Variants in TENM4 observed in about 807,000 individuals in gnomAD.
TENM4 encodes teneurin transmembrane protein 4.
Under a neutral mutation model 243.3 loss-of-function variants are expected in TENM4, and 82 were observed. That is an observed-to-expected ratio of 0.34 (90% CI 0.28 to 0.40). TENM4 has a LOEUF of 0.40. TENM4 is among the 10% of genes least tolerant of loss of function. TENM4 has a pLI of 1.00. For missense variants in TENM4, 3,138 were observed against 3,673.3 expected (o/e 0.85, Z 3.77); for synonymous variants, 1,412 against 1,456.3 (o/e 0.97, Z 0.69).
intron 6 of TENM4, among the ~76,000 whole-genome samples, chr11:78,948,591 T>G (rs949317859): frequency 3.9e-5 from 6 of 152,216 alleles, no homozygotes; most frequent in Non-Finnish European, 5.9e-5. Context: ...CAGGATGGTC[T>G]CGATCTCCTG....
intron 2 of TENM4, among the ~76,000 whole-genome samples, chr11:79,222,329 T>C (rs1379514327): frequency 5.3e-5 from 8 of 152,202 alleles, no homozygotes; most frequent in Admixed American, 4.6e-4. Flanking sequence ...GAAAAGGACA[T>C]TATCTCGTTC....
At chr11:79,000,985 T>A (rs2136702228) in intron 6 of TENM4, among the ~76,000 whole-genome samples, 2 of 152,258 alleles carry the variant, frequency 1.3e-5, no homozygotes, top group South Asian at 4.1e-4. Context: ...GAGCTGAGAT[T>A]GCACCACTGC....
At chr11:79,303,347 T>G (rs1315105212) in intron 1 of TENM4, among the ~76,000 whole-genome samples, 1 of 152,208 alleles carries the variant, frequency 6.6e-6, no homozygotes, top group East Asian at 1.9e-4. Context: ...CCTAAGCCTC[T>G]GTGTTTTCAT....
intron 1 of TENM4, among the ~76,000 whole-genome samples, chr11:79,306,280 G>T (rs1319760456): frequency 1.3e-5 from 2 of 152,206 alleles, no homozygotes; most frequent in Non-Finnish European, 2.9e-5. Flanking sequence ...GCTCAAGAGA[G>T]GGCTGAGTGA....
intron 6 of TENM4, among the ~76,000 whole-genome samples, chr11:78,985,257 A>T (rs1180652311): frequency 1.3e-5 from 2 of 148,952 alleles, no homozygotes; most frequent in Non-Finnish European, 1.5e-5. Flanking sequence ...TGCCATACAG[A>T]TTTTTTTTTT....
At chr11:78,826,956 T>C (rs1857866777) in intron 12 of TENM4, among the ~76,000 whole-genome samples, 1 of 152,182 alleles carries the variant, frequency 6.6e-6, no homozygotes, top group African/African-American at 2.4e-5. Flanking sequence ...GGCATCCGAG[T>C]ATACCACCCA....
intron 28 of TENM4, among the ~76,000 whole-genome samples, chr11:78,697,155 A>C (rs1858989485): frequency 6.6e-6 from 1 of 152,202 alleles, no homozygotes; most frequent in African/African-American, 2.4e-5. Flanking sequence ...GTCCCTAAGA[A>C]GACATGGACC....
At chr11:79,157,286 A>G (rs927948578) in intron 3 of TENM4, among the ~76,000 whole-genome samples, 2 of 152,138 alleles carry the variant, frequency 1.3e-5, no homozygotes, top group African/African-American at 2.4e-5. Context: ...GATCCAATAC[A>G]TCTTTGTGAA....
chr11:78,824,643 A>C (rs1227055260), intron 12 of TENM4, among the ~76,000 whole-genome samples: 1 of 151,932 alleles, frequency 6.6e-6, no homozygotes, highest in Non-Finnish European at 1.5e-5. Context: ...CTGGGACTAC[A>C]GGCGCACACC....
At chr11:78,699,485 T>C (rs538823765) in intron 28 of TENM4, among the ~76,000 whole-genome samples, 19 of 152,304 alleles carry the variant, frequency 1.2e-4, no homozygotes, top group African/African-American at 4.6e-4. Flanking sequence ...GCCTGGCACA[T>C]AGTAGGATCT....
At chr11:79,195,993 A>G (rs369937636) in intron 3 of TENM4, among the ~76,000 whole-genome samples, 1 of 152,052 alleles carries the variant, frequency 6.6e-6, no homozygotes, top group Non-Finnish European at 1.5e-5. Flanking sequence ...TGTTATTCTC[A>G]TGATAGTGAA....
chr11:79,297,807 G>A (rs1856480769), intron 1 of TENM4, among the ~76,000 whole-genome samples: 1 of 152,016 alleles, frequency 6.6e-6, no homozygotes, highest in Admixed American at 6.6e-5. Flanking sequence ...CCAATCATTT[G>A]GGCACTTTTT....
At chr11:78,893,662 A>C (rs1368881001) in intron 7 of TENM4, among the ~76,000 whole-genome samples, 2 of 151,706 alleles carry the variant, frequency 1.3e-5, no homozygotes, top group Admixed American at 1.3e-4. Context: ...TCTTCATGGA[A>C]TATAACCTCC....
intron 4 of TENM4, among the ~76,000 whole-genome samples, chr11:79,132,216 G>T (rs1458441035): frequency 1.3e-5 from 2 of 151,354 alleles, no homozygotes; most frequent in South Asian, 2.1e-4. Context: ...CGCGGTGGTG[G>T]GTGCCTGTAG....
chr11:78,677,664 T>A (rs111470525), intron 29 of TENM4, among the ~76,000 whole-genome samples: 51 of 146,262 alleles, frequency 3.5e-4, no homozygotes, highest in African/African-American at 9.4e-4. Flanking sequence ...CAAAAAAAAA[T>A]ACATAAATAT....
chr11:79,084,205 A>G (rs7925382), intron 4 of TENM4, among the ~76,000 whole-genome samples: 1 of 152,250 alleles, frequency 6.6e-6, no homozygotes, highest in Admixed American at 6.5e-5. Context: ...GAAATAAAAA[A>G]TAGTGACAAC....
intron 17 of TENM4, among the ~76,000 whole-genome samples, chr11:78,773,332 T>G (rs1307693919): frequency 1.3e-5 from 2 of 152,244 alleles, no homozygotes; most frequent in Admixed American, 1.3e-4. Flanking sequence ...ATTGAATTTC[T>G]TTGAGCCTCA....
At chr11:79,390,243 C>A (rs1424831942) in intron 1 of TENM4, among the ~76,000 whole-genome samples, 5 of 152,298 alleles carry the variant, frequency 3.3e-5, no homozygotes, top group Middle Eastern at 6.8e-3. Context: ...CTTGGGACCA[C>A]CAAAGACCAG....
chr11:79,382,158 T>A (rs1590926170), intron 1 of TENM4, among the ~76,000 whole-genome samples: 1 of 152,062 alleles, frequency 6.6e-6, no homozygotes, highest in South Asian at 2.1e-4. Context: ...CACAGCTCAT[T>A]AGGGGGAGGG....
Sources: gnomAD v4.1 joint callset for allele counts (sites outside exome capture counted in the v4.1 genomes callset) on GRCh38, gnomAD v4.1.1 for gene constraint, MANE v1.5 for transcripts, NCBI Gene and HGNC (gene_info 2026-07-23, HGNC 2026-07-21) for gene names.